LSM14B: variants seen among roughly 807,000 people sequenced by gnomAD.
The protein encoded by LSM14B is protein LSM14 homolog B.
Under a neutral mutation model 42.1 loss-of-function variants are expected in LSM14B, and 8 were observed. That is an observed-to-expected ratio of 0.19 (90% confidence interval 0.11 to 0.34). The LOEUF (loss-of-function observed/expected upper bound fraction) is 0.34, where lower values mean the gene tolerates loss of function less well. Ranked by LOEUF, LSM14B falls within the 10% of genes least tolerant of loss-of-function variation. LSM14B has a pLI of 1.00. For missense variants in LSM14B, 396 were observed against 513.1 expected, an observed-to-expected ratio of 0.77 and a Z score of 2.21; for synonymous variants, 219 against 209.7, an observed-to-expected ratio of 1.04 and a Z score of -0.38.
chr20:62,128,825 A>ATTTTT, intron 3 of LSM14B: 1 of 671,034 alleles, frequency 1.5e-6, no homozygotes, highest in Non-Finnish European at 2.2e-6. Flanking sequence ...TCTACAGTCA[A>ATTTTT]TTTTTTTTTT....
rs1257722278 is a variant in LSM14B at position 62,126,356 on chromosome 20, G to A, written c.344G>A (p.Ser115Asn). 1 of 1,613,588 alleles carries A rather than the reference G, an allele frequency of 6.2e-7. No homozygotes were observed. Among genetic ancestry groups the A allele is most frequent in the Admixed American group, 1.7e-5 (1 of 60,022 alleles). Residue 115 changes from serine (S) to asparagine (N), a missense_variant, in exon 3 of 9, where the codon AGC becomes AAC. By Grantham distance (46) the Ser-to-Asn change is conservative (BLOSUM62 1). Around this residue, in one of 3 missense-constraint regions of LSM14B, gnomAD observed 274 missense variants for 335.8 expected, o/e 0.82. Coordinates refer to ENST00000279068, the MANE Select transcript of LSM14B (RefSeq NM_144703.3). The stretch of plus-strand genomic sequence containing the variant: ...CCCTTCCAGCCGCACGTGCCTTACA[G>A]CCCTTTCCGAGGGATGGCGCCCTAC... ...ASPFQPHVPY[S>N]PFRGMAPYGP...
chr20:62,128,629 C>T (rs2056673880), intron 3 of LSM14B, among the ~76,000 whole-genome samples: 1 of 152,174 alleles, frequency 6.6e-6, no homozygotes, highest in African/African-American at 2.4e-5. Flanking sequence ...TATCCATGCC[C>T]CTGCAGTCAC....
chr20:62,123,656 C>G (rs2056488221), intron 1 of LSM14B, among the ~76,000 whole-genome samples: 1 of 152,240 alleles, frequency 6.6e-6, no homozygotes, highest in Non-Finnish European at 1.5e-5. Context: ...GGAGCCACGT[C>G]TGCCTAAGCC....
At position 62,131,373 on chromosome 20, in the gene LSM14B, G is replaced by A. The variant is rs1430617943; in HGVS notation, c.853G>A (p.Gly285Arg). The A allele has an allele frequency of 4.4e-6, 7 of 1,604,196 alleles. No individual in the cohort carries two copies. The Admixed American group carries it at 1.0e-4, about 23-fold the overall frequency. ...LNFKDDKAEKGEEKDLAVVTQ... is the reference protein window; with the variant it reads ...LNFKDDKAEKREEKDLAVVTQ... The stretch of plus-strand genomic sequence containing the variant: ...TTTTGTAGATGACAAGGCTGAGAAG[G>A]GGGAAGAGAAGGACCTGGCTGTGGT... The change falls in exon 7 of 9, where the codon GGG (glycine) becomes AGG (arginine). Residue 285 changes from glycine to arginine, a missense_variant. This residue lies in a region of LSM14B where 118 missense variants were observed against 156.4 expected (regional missense o/e 0.75). Transcript: ENST00000279068.
chr20:62,127,507 C>A, intron 3 of LSM14B: 3 of 1,040,034 alleles, frequency 2.9e-6, no homozygotes, highest in Non-Finnish European at 2.9e-6. Flanking sequence ...TCTTTCCAAG[C>A]TTGCTAGACA....
At position 62,129,929 on chromosome 20, in the gene LSM14B, A is replaced by G. The variant is rs1196952875; in HGVS notation, c.572A>G (p.Gln191Arg). ...ACGCAGCTCAACGGTCGTCAGGCCC[A>G]GCCGAGCAGCAAGACGGCCAGCGGT... is the stretch of plus-strand genomic sequence containing the variant. ...TGTQLNGRQAQPSSKTASDVV... is the reference protein window; with the variant it reads ...TGTQLNGRQARPSSKTASDVV... The change falls in exon 4 of 9, where the codon CAG becomes CGG. Residue 191 changes from glutamine (Q) to arginine (R), a missense_variant. Around this residue, in one of 3 missense-constraint regions of LSM14B, gnomAD observed 274 missense variants for 335.8 expected, o/e 0.82. Transcript: ENST00000279068. 1 of 1,613,188 alleles carries G rather than the reference A, an allele frequency of 6.2e-7. No individual in the cohort carries two copies. Among genetic ancestry groups the G allele is most frequent in the Non-Finnish European group, 8.5e-7 (1 of 1,179,682 alleles).
Position 62,133,406 on chromosome 20 carries a change from A to G in LSM14B, c.1103A>G (p.Asn368Ser). The change falls in exon 8 of 9, where the codon AAT becomes AGT. Residue 368 changes from asparagine (N) to serine (S), a missense_variant. This residue lies in a region of LSM14B where 118 missense variants were observed against 156.4 expected (regional missense o/e 0.75). Coordinates refer to ENST00000279068, the MANE Select transcript of LSM14B (RefSeq NM_144703.3). ...GGCGGATTCCGAGGAGGCAGGGGCA[A>G]TGGGACCACCCGTCGCAACCCCACT... Reference protein sequence around the residue: ...SRGGFRGGRGNGTTRRNPTSH... With the variant: ...SRGGFRGGRGSGTTRRNPTSH... 2 of 1,613,306 alleles carry G rather than the reference A, an allele frequency of 1.2e-6. No homozygotes were observed.
intron 2 of LSM14B, 68 bp from the exon 3 acceptor site, chr20:62,126,236 G>T (rs554914388): frequency 6.2e-7 from 1 of 1,609,040 alleles, no homozygotes; most frequent in Admixed American, 1.7e-5. Flanking sequence ...CTGAACAAGC[G>T]CCCTGATGAA....
chr20:62,125,403 G>C (rs921725434), intron 2 of LSM14B, among the ~76,000 whole-genome samples: 8 of 152,220 alleles, frequency 5.3e-5, no homozygotes, highest in African/African-American at 1.7e-4. Flanking sequence ...CATAGCGTTT[G>C]CCCTTAGTTT....
rs2145629305 is a variant in LSM14B at position 62,130,537 on chromosome 20, G to T, written c.681G>T (p.Arg227Ser). ...TGTCCTTTGTCCTCACAGGAAACAGGCGAACAAGGAATCGCTCCAGAGGGC... is the reference window on the plus strand; with the variant it reads ...TGTCCTTTGTCCTCACAGGAAACAGTCGAACAAGGAATCGCTCCAGAGGGC... ...RRPQRRRSGN[R>S]RTRNRSRGQN... Residue 227 changes from arginine (R) to serine (S), a missense_variant, in exon 6 of 9, where the codon AGG becomes AGT. Arg to Ser is a moderately radical substitution (Grantham distance 110, BLOSUM62 -1). Coordinates refer to ENST00000279068, the MANE Select transcript of LSM14B (RefSeq NM_144703.3). The surrounding 1 kb of genome is among the most constrained non-coding windows in gnomAD (Gnocchi z 4.1). 6.2e-7 allele frequency: 1 copy of T among 1,613,726 alleles called. No individual in the cohort carries two copies. The highest frequency in any genetic ancestry group is 1.1e-5 in the South Asian group (1 of 91,040).
chr20:62,130,444 G>A lies in LSM14B; in HGVS notation c.674-86G>A, dbSNP rs1426728416. 1.3e-6 allele frequency: 2 copies of A among 1,555,514 alleles called. No homozygotes were observed. The highest frequency in any genetic ancestry group is 8.7e-7 in the Non-Finnish European group (1 of 1,146,556). ...TGCTCTGTTCCTTCTGTGGCCTTGG[G>A]GGTGTGCCTGGAAATTCCTTGTGAG... On this transcript the variant is annotated intron_variant, in intron 5 of 8. Transcript: ENST00000279068. The surrounding 1 kb of genome is among the most constrained non-coding windows in gnomAD (Gnocchi z 4.1).
At chr20:62,126,545 T>A in intron 3 of LSM14B, 106 bp downstream of exon 3, 1 of 1,420,706 alleles carries the variant, frequency 7.0e-7, no homozygotes. Flanking sequence ...ATGCTCAGCT[T>A]GTAGACTGTT....
Position 62,122,792 on chromosome 20 carries a change from A to G in LSM14B, c.126A>G (p.Lys42=). 6.7e-7 allele frequency: 1 copy of G among 1,495,176 alleles called. No homozygotes were observed. Among genetic ancestry groups the G allele is most frequent in the Admixed American group, 2.1e-5 (1 of 48,776 alleles). 92.6% of individuals were successfully genotyped at this position (1,495,176 alleles called of 1,614,324 possible). ...ACAACTCCACCGTGGCGCTCGCCAA[A>G]GGTAGCGGCCGCCGCCCGCCCGAGC... is the stretch of plus-strand genomic sequence containing the variant. ...DTDNSTVALA[K]VRSFGTEDRP... Residue 42 remains lysine, a splice_region_variant and synonymous_variant, in exon 1 of 9, where the codon AAA becomes AAG. Transcript: ENST00000279068. The surrounding 1 kb of genome is among the most constrained non-coding windows in gnomAD (Gnocchi z 4.6).
At chr20:62,127,523 C>T in intron 3 of LSM14B, 1 of 1,170,562 alleles carries the variant, frequency 8.5e-7, no homozygotes, top group Non-Finnish European at 1.2e-6. Flanking sequence ...AGACACAAGA[C>T]AAGTGTATCC....
Position 62,122,613 on chromosome 20 carries a change from G to GCCGCGGCCCGGCGCTCCTTCCCCA in LSM14B, c.-43_-20dup, listed in dbSNP as rs978786076. 29 of 1,107,354 alleles carry GCCGCGGCCCGGCGCTCCTTCCCCA rather than the reference G, an allele frequency of 2.6e-5. No individual in the cohort carries two copies. Among genetic ancestry groups the GCCGCGGCCCGGCGCTCCTTCCCCA allele is most frequent in the Non-Finnish European group, 3.1e-5 (28 of 898,198 alleles). The allele number at this position is 1,107,354 out of a possible 1,614,324, so 68.6% of individuals were successfully genotyped here. ...AGGCCACCGCGCGGCGGCGGAGCGG[G>GCCGCGGCCCGGCGCTCCTTCCCCA]CCGCGGCCCGGCGCTCCTTCCCCAC... On this transcript the variant is annotated 5_prime_UTR_variant, in exon 1 of 9. Transcript: ENST00000279068. This position sits in a 1 kb window ranked among gnomAD's most constrained non-coding sequence, Gnocchi z 4.6.
Position 62,129,769 on chromosome 20 carries a change from C to T in LSM14B, c.428-16C>T, listed in dbSNP as rs1318085393. On this transcript the variant is annotated splice_polypyrimidine_tract_variant and intron_variant, in intron 3 of 8. Transcript: ENST00000279068. ...TTTCTCTCTGTTTTTAAACCCTCCT[C>T]CCCTCCTCAATTCAGGAGCTGGTTT... 2 of 1,599,880 alleles carry T rather than the reference C, an allele frequency of 1.3e-6. No individual in the cohort carries two copies. Among genetic ancestry groups the T allele is most frequent in the East Asian group, 2.2e-5 (1 of 44,522 alleles).
chr20:62,123,847 A>G (rs975429030), intron 1 of LSM14B, among the ~76,000 whole-genome samples: 5 of 152,220 alleles, frequency 3.3e-5, no homozygotes, highest in African/African-American at 1.2e-4. Context: ...TGAGTATGCC[A>G]GGGCTATGCA....
intron 3 of LSM14B, chr20:62,127,491 C>T: frequency 1.1e-6 from 1 of 875,946 alleles, no homozygotes; most frequent in Non-Finnish European, 1.8e-6. Context: ...CAAGAGGTTG[C>T]TTGGCTCTTT....
At chr20:62,124,560 A>G in intron 1 of LSM14B, 57 bp from the exon 2 acceptor site, 1 of 1,573,844 alleles carries the variant, frequency 6.4e-7, no homozygotes, top group Non-Finnish European at 8.6e-7. Flanking sequence ...CAGTGGTGTC[A>G]GGGTTGATTG....
Sources: gnomAD v4.1 joint callset for allele counts (sites outside exome capture counted in the v4.1 genomes callset) on GRCh38, gnomAD v4.1.1 for gene constraint, gnomAD v4.1.1 regional missense constraint, Gnocchi (gnomAD v3.1) non-coding constraint, MANE v1.5 for transcripts, NCBI Gene and HGNC (gene_info 2026-07-23, HGNC 2026-07-21) for gene names.